Variants in MACROD2 observed in about 807,000 individuals in gnomAD.
The protein encoded by MACROD2 is ADP-ribose glycohydrolase MACROD2.
A neutral mutation model predicts 70.4 loss-of-function variants in MACROD2; 36 were observed. The observed-to-expected ratio is 0.51, with a 90% CI of 0.39 to 0.68. MACROD2 has a LOEUF of 0.68. MACROD2 is among the 30% of genes least tolerant of loss of function. The pLI, the probability that MACROD2 is intolerant of heterozygous loss-of-function variation, is 0.00. For synonymous variants in MACROD2, 172 were observed against 178.8 expected, an observed-to-expected ratio of 0.96 and a Z score of 0.30; for missense variants, 496 against 538.4, an observed-to-expected ratio of 0.92 and a Z score of 0.78.
chr20:15,611,933 C>A (rs1441772892), intron 8 of MACROD2, among the ~76,000 whole-genome samples: 1 of 148,708 alleles, frequency 6.7e-6, no homozygotes, highest in African/African-American at 2.5e-5. Context: ...CCTTTTAATG[C>A]AGGTCAGGGC....
In MACROD2 at chr20:14,084,069, AACAAAAAACAAAC is replaced by A. The variant is rs1412652049; in HGVS notation, c.164-1550_164-1538del. ...AGAGCGAGACTCCGTCTCAAAAAAAAACAAAAAACAAACAAAAAAAAACCTTCCGGGAGAGAAG... is the reference window on the plus strand; with the variant it reads ...AGAGCGAGACTCCGTCTCAAAAAAAAAAAAAAAAACCTTCCGGGAGAGAAG... On this transcript the variant is annotated intron_variant, in intron 2 of 17. Transcript: ENST00000684519. Among the ~76,000 whole-genome samples, 7 of 140,448 alleles carry A rather than the reference AACAAAAAACAAAC, an allele frequency of 5.0e-5. 1 individual carries two copies. In the South Asian group the frequency reaches 9.5e-4, roughly 19 times the overall value. 92.1% of individuals were successfully genotyped at this position (140,448 alleles called of 152,430 possible).
At chr20:14,105,539 T>C (rs1010734780) in intron 3 of MACROD2, among the ~76,000 whole-genome samples, 3 of 152,176 alleles carry the variant, frequency 2.0e-5, no homozygotes, top group African/African-American at 7.2e-5. Flanking sequence ...GCCAGAGTGC[T>C]CTGGGGTCCT....
chr20:14,637,779 T>A (rs1333681810), intron 4 of MACROD2, among the ~76,000 whole-genome samples: 1 of 152,182 alleles, frequency 6.6e-6, no homozygotes, highest in African/African-American at 2.4e-5. Flanking sequence ...CCAAATTTTT[T>A]CTCTTCGATG....
At chr20:14,316,295 G>C (rs962867647) in intron 3 of MACROD2, among the ~76,000 whole-genome samples, 3 of 152,194 alleles carry the variant, frequency 2.0e-5, no homozygotes, top group Non-Finnish European at 4.4e-5. Context: ...TGGGGCAGAG[G>C]TCTGTAAGTA....
intron 6 of MACROD2, among the ~76,000 whole-genome samples, chr20:15,349,029 T>A (rs2078198001): frequency 6.6e-6 from 1 of 152,228 alleles, no homozygotes; most frequent in Non-Finnish European, 1.5e-5. Flanking sequence ...ATTTTTATTT[T>A]TTTAATGGGT....
At chr20:14,700,010 AAAGTTTAAATCTAG>A (rs2071175354) in intron 5 of MACROD2, among the ~76,000 whole-genome samples, 1 of 151,390 alleles carries the variant, frequency 6.6e-6, no homozygotes, top group African/African-American at 2.4e-5. Context: ...CTAGAAGTTT[AAAGTTTAAATCTAG>A]AAGTTTAAAG....
chr20:15,158,870 A>G (rs954660675), intron 5 of MACROD2, among the ~76,000 whole-genome samples: 3 of 152,174 alleles, frequency 2.0e-5, no homozygotes, highest in African/African-American at 7.2e-5. Flanking sequence ...CAGGATGACA[A>G]GGAGTTATGT....
At position 14,119,149 on chromosome 20, in the gene MACROD2, A is replaced by G. The variant is rs562037379; in HGVS notation, c.271+33421A>G. Among the ~76,000 whole-genome samples the G allele has an allele frequency of 1.7e-4, 24 of 140,600 alleles. No individual in the cohort carries two copies. In the South Asian group the frequency reaches 5.3e-3, roughly 31 times the overall value. The allele number at this position is 140,600 out of a possible 152,430, so 92.2% of individuals were successfully genotyped here. A position where few individuals can be genotyped will look rare whatever the true frequency, so the allele number is the denominator to read the frequency against. ...AGGCGTGAGCCACCGCGCCTGGCCA[A>G]ATGACTGTGATTTTTTTTTTTTTTT... On this transcript the variant is annotated intron_variant, in intron 3 of 17. Transcript: ENST00000684519.
intron 3 of MACROD2, among the ~76,000 whole-genome samples, chr20:14,366,097 A>G (rs535155959): frequency 6.6e-6 from 1 of 152,224 alleles, no homozygotes; most frequent in South Asian, 2.1e-4. Context: ...AGTGTCCTAT[A>G]TGTATCTGTT....
intron 5 of MACROD2, among the ~76,000 whole-genome samples, chr20:14,693,544 C>T (rs1476337041): frequency 6.6e-6 from 1 of 152,100 alleles, no homozygotes; most frequent in African/African-American, 2.4e-5. Flanking sequence ...AAGTAGTCCA[C>T]AGTGAACACT....
At chr20:14,812,226 A>G (rs1326598391) in intron 5 of MACROD2, among the ~76,000 whole-genome samples, 1 of 152,096 alleles carries the variant, frequency 6.6e-6, no homozygotes, top group Non-Finnish European at 1.5e-5. Flanking sequence ...GTACATATAC[A>G]CCATGGAATA....
At chr20:15,786,063 A>G (rs2051920942) in intron 8 of MACROD2, among the ~76,000 whole-genome samples, 1 of 152,128 alleles carries the variant, frequency 6.6e-6, no homozygotes, top group Non-Finnish European at 1.5e-5. Flanking sequence ...ATAACATAAA[A>G]GCGTTAGAGT....
intron 5 of MACROD2, among the ~76,000 whole-genome samples, chr20:14,698,765 TGTAA>T (rs1339417451): frequency 2.0e-5 from 3 of 149,660 alleles, no homozygotes; most frequent in African/African-American, 7.3e-5. Flanking sequence ...AATAATTAAA[TGTAA>T]TTATTTAATT....
chr20:14,800,030 A>G (rs983180939), intron 5 of MACROD2, among the ~76,000 whole-genome samples: 2 of 152,072 alleles, frequency 1.3e-5, no homozygotes, highest in Admixed American at 1.3e-4. Flanking sequence ...TACTCAGTCA[A>G]GCTGACAGTT....
chr20:14,090,649 C>T (rs913899451), intron 3 of MACROD2, among the ~76,000 whole-genome samples: 3 of 151,798 alleles, frequency 2.0e-5, no homozygotes, highest in African/African-American at 7.3e-5. Context: ...TCCTGTTTTC[C>T]ATCTCTAAGG....
At chr20:14,093,683 C>T (rs2148674139) in intron 3 of MACROD2, among the ~76,000 whole-genome samples, 1 of 151,364 alleles carries the variant, frequency 6.6e-6, no homozygotes, top group Admixed American at 6.6e-5. Context: ...AAAAAAAACC[C>T]CAAAAATAAA....
Position 15,722,474 on chromosome 20 carries a change from G to T in MACROD2, c.646-140271G>T, listed in dbSNP as rs545642473. ...CTTGGCATTCTCAAATTACTACTGA[G>T]TTTGAGCATATTTCTAGATAGCACT... On this transcript the variant is annotated intron_variant, in intron 8 of 17. Transcript: ENST00000684519. Among the ~76,000 whole-genome samples the T allele has an allele frequency of 6.6e-5, 10 of 152,206 alleles. No homozygotes were observed. The South Asian group carries it at 2.1e-3, about 32-fold the overall frequency.
At chr20:15,866,719 G>T (rs1298681716) in intron 9 of MACROD2, among the ~76,000 whole-genome samples, 1 of 152,122 alleles carries the variant, frequency 6.6e-6, no homozygotes, top group African/African-American at 2.4e-5. Flanking sequence ...TTTCAGAGAT[G>T]CCATGCTTCT....
chr20:16,002,118 G>T (rs2066717810), intron 15 of MACROD2, among the ~76,000 whole-genome samples: 1 of 151,838 alleles, frequency 6.6e-6, no homozygotes, highest in African/African-American at 2.4e-5. Context: ...CTGTTTAAGA[G>T]ATACTCAATA....
Sources: gnomAD v4.1 joint callset for allele counts (sites outside exome capture counted in the v4.1 genomes callset) on GRCh38, gnomAD v4.1.1 for gene constraint, MANE v1.5 for transcripts, NCBI Gene and HGNC (gene_info 2026-07-23, HGNC 2026-07-21) for gene names.